Variants in FOXK1 observed in about 807,000 individuals in gnomAD.
FOXK1 encodes forkhead box protein K1.
A neutral mutation model predicts 51.9 loss-of-function variants in FOXK1; 19 were observed. The observed-to-expected ratio is 0.37, with a 90% CI of 0.26 to 0.54. The LOEUF is 0.54. Ranked by LOEUF, FOXK1 falls within the 20% of genes least tolerant of loss-of-function variation. FOXK1 has a pLI of 0.87. For synonymous variants in FOXK1, 537 were observed against 482.6 expected (o/e 1.11, Z -1.48); for missense variants, 870 against 1,032.7 (o/e 0.84, Z 2.16).
At chr7:4,712,354 G>A (rs539294481) in intron 1 of FOXK1, among the ~76,000 whole-genome samples, 14 of 152,248 alleles carry the variant, frequency 9.2e-5, no homozygotes, top group Admixed American at 8.5e-4. Flanking sequence ...ATTGATTGCC[G>A]GTGGTCTTGA....
chr7:4,683,025 G>T lies in FOXK1; in HGVS notation c.560+157G>T, dbSNP rs1262414071. 1.3e-5 allele frequency among the ~76,000 whole-genome samples: 2 copies of T among 149,280 alleles called. No individual in the cohort carries two copies. Among genetic ancestry groups the T allele is most frequent in the Non-Finnish European group, 3.0e-5 (2 of 66,976 alleles). On this transcript the variant is annotated intron_variant, in intron 1 of 8. Coordinates refer to ENST00000328914, the MANE Select transcript of FOXK1 (RefSeq NM_001037165.2). This position sits in a 1 kb window ranked among gnomAD's most constrained non-coding sequence, Gnocchi z 4.5. ...ACCCCCGACCGGCCTGGACTCCGGGGTCAACCCCGACCCCCGCCTCCTGGC... is the reference window on the plus strand; with the variant it reads ...ACCCCCGACCGGCCTGGACTCCGGGTTCAACCCCGACCCCCGCCTCCTGGC...
In FOXK1 at chr7:4,768,202, G is replaced by C. The variant is rs374581026; in HGVS notation, c.*5738G>C. 1.6e-5 allele frequency: 2 copies of C among 122,148 alleles called. No individual in the cohort carries two copies. Among genetic ancestry groups the C allele is most frequent in the African/African-American group, 8.3e-5 (2 of 24,160 alleles). 7.6% of individuals were successfully genotyped at this position (122,148 alleles called of 1,614,324 possible). A position where few individuals can be genotyped will look rare whatever the true frequency, so the allele number is the denominator to read the frequency against. ...GGCTGGAGTGCAGTGGCGTGATCTC[G>C]GCTCACTGCAAGCTCCGCCTCCCGG... On this transcript the variant is annotated 3_prime_UTR_variant, in exon 9 of 9. Coordinates refer to ENST00000328914, the MANE Select transcript of FOXK1 (RefSeq NM_001037165.2).
At chr7:4,724,017 A>G (rs1315839562) in intron 1 of FOXK1, among the ~76,000 whole-genome samples, 1 of 151,718 alleles carries the variant, frequency 6.6e-6, no homozygotes, top group African/African-American at 2.4e-5. Flanking sequence ...TCTGCTGCCT[A>G]CTTTTTCGAG....
intron 1 of FOXK1, among the ~76,000 whole-genome samples, chr7:4,694,634 G>A (rs952390532): frequency 6.6e-6 from 1 of 152,102 alleles, no homozygotes; most frequent in South Asian, 2.1e-4. Context: ...TTTTGTTGGG[G>A]GCAGCATATG....
In FOXK1 at chr7:4,769,348, T is replaced by C. The variant is rs1781062641; in HGVS notation, c.*6884T>C. 1 of 152,146 alleles carries C rather than the reference T, an allele frequency of 6.6e-6. No homozygotes were observed. The highest frequency in any genetic ancestry group is 2.4e-5 in the African/African-American group (1 of 41,444). 9.4% of individuals were successfully genotyped at this position (152,146 alleles called of 1,614,324 possible). ...GCCCCCATCCCGCTTCAGGCCCCAG[T>C]GACCCAGTTGCGTCTTAAGTTCCAT... On this transcript the variant is annotated 3_prime_UTR_variant, in exon 9 of 9. Coordinates refer to ENST00000328914, the MANE Select transcript of FOXK1 (RefSeq NM_001037165.2). The surrounding 1 kb of genome is among the most constrained non-coding windows in gnomAD (Gnocchi z 4.1).
intron 1 of FOXK1, among the ~76,000 whole-genome samples, chr7:4,704,405 C>G (rs777707325): frequency 4.1e-5 from 6 of 145,542 alleles, no homozygotes; most frequent in Non-Finnish European, 7.5e-5. Flanking sequence ...GAGCTGAGAT[C>G]ACGCCACTGC....
At chr7:4,695,288 C>G (rs1779937910) in intron 1 of FOXK1, among the ~76,000 whole-genome samples, 1 of 152,192 alleles carries the variant, frequency 6.6e-6, no homozygotes, top group Non-Finnish European at 1.5e-5. Flanking sequence ...TAATTTGGTT[C>G]CTAACCTGCA....
chr7:4,732,872 C>T (rs28375017), intron 1 of FOXK1, among the ~76,000 whole-genome samples: 2,798 of 152,290 alleles, frequency 0.018, 86 homozygotes, highest in African/African-American at 0.064. Flanking sequence ...TTTCCCATAG[C>T]GCAGAGTTTA....
Position 4,735,507 on chromosome 7 carries a change from C to A in FOXK1, c.561-5331C>A, listed in dbSNP as rs973863230. On this transcript the variant is annotated intron_variant, in intron 1 of 8. Coordinates refer to ENST00000328914, the MANE Select transcript of FOXK1 (RefSeq NM_001037165.2). The surrounding 1 kb of genome is among the most constrained non-coding windows in gnomAD (Gnocchi z 4.7). ...CCCCTAGCTCTTAGTCATTCTCCGT[C>A]CCCCCTGCCTGTCCCACCCGTCACT... is the stretch of plus-strand genomic sequence containing the variant. 6.6e-6 allele frequency among the ~76,000 whole-genome samples: 1 copy of A among 152,176 alleles called. No individual in the cohort carries two copies. Among genetic ancestry groups the A allele is most frequent in the Admixed American group, 6.5e-5 (1 of 15,274 alleles).
chr7:4,751,012 CTTTTT>C (rs35715224), intron 2 of FOXK1, among the ~76,000 whole-genome samples: 2 of 102,960 alleles, frequency 1.9e-5, no homozygotes, highest in African/African-American at 4.4e-5. Flanking sequence ...GCCTTCAGCA[CTTTTT>C]TTTTTTTTTT....
At position 4,766,601 on chromosome 7, in the gene FOXK1, G is replaced by C. The variant is rs1396031319; in HGVS notation, c.*4137G>C. ...CCTGCTCCTAGGTACCACGCTCTGT[G>C]CTTCTCAGGCAGGGAGGAGATGGAT... is the stretch of plus-strand genomic sequence containing the variant. On this transcript the variant is annotated 3_prime_UTR_variant, in exon 9 of 9. Coordinates refer to ENST00000328914, the MANE Select transcript of FOXK1 (RefSeq NM_001037165.2). This position sits in a 1 kb window ranked among gnomAD's most constrained non-coding sequence, Gnocchi z 5.5. The C allele has an allele frequency of 6.6e-6, 1 of 152,328 alleles. No homozygotes were observed. Among genetic ancestry groups the C allele is most frequent in the East Asian group, 1.9e-4 (1 of 5,198 alleles). The allele number at this position is 152,328 out of a possible 1,614,324, so 9.4% of individuals were successfully genotyped here. A position where few individuals can be genotyped will look rare whatever the true frequency, so the allele number is the denominator to read the frequency against.
In FOXK1 at chr7:4,721,580, CTTTTTTTTCTT is replaced by C. The variant is rs1374447573; in HGVS notation, c.561-19249_561-19239del. On this transcript the variant is annotated intron_variant, in intron 1 of 8. Coordinates refer to ENST00000328914, the MANE Select transcript of FOXK1 (RefSeq NM_001037165.2). ...AGAAGGACTTTTCTCTTTTCTTTTTCTTTTTTTTCTTTTTTTTTTTTTTTTTTTGAGTCAGA... is the reference window on the plus strand; with the variant it reads ...AGAAGGACTTTTCTCTTTTCTTTTTCTTTTTTTTTTTTTTTTTGAGTCAGA... 6.6e-5 allele frequency among the ~76,000 whole-genome samples: 9 copies of C among 135,718 alleles called. No individual in the cohort carries two copies. In the East Asian group the frequency reaches 8.4e-4, roughly 13 times the overall value. 89.0% of individuals were successfully genotyped at this position (135,718 alleles called of 152,430 possible). A position where few individuals can be genotyped will look rare whatever the true frequency, so the allele number is the denominator to read the frequency against.
At chr7:4,684,559 T>G (rs1779795467) in intron 1 of FOXK1, among the ~76,000 whole-genome samples, 3 of 152,148 alleles carry the variant, frequency 2.0e-5, no homozygotes, top group African/African-American at 7.2e-5. Flanking sequence ...CAGATATTAG[T>G]GTGTTCTCTC....
chr7:4,755,173 G>C lies in FOXK1; in HGVS notation c.904-64G>C. 6.3e-7 allele frequency: 1 copy of C among 1,581,034 alleles called. No individual in the cohort carries two copies. On this transcript the variant is annotated intron_variant, in intron 3 of 8. Transcript: ENST00000328914. This position sits in a 1 kb window ranked among gnomAD's most constrained non-coding sequence, Gnocchi z 6.6. ...AAGGTTCCTCCCCATCAGCTGTGAC[G>C]GGTGGGTGGGGTAGACTCAGGGACC...
intron 7 of FOXK1, among the ~76,000 whole-genome samples, chr7:4,760,402 C>T (rs1780916166): frequency 6.6e-6 from 1 of 152,082 alleles, no homozygotes; most frequent in Non-Finnish European, 1.5e-5. Context: ...CCTGGACTTC[C>T]TCTCCGCGGT....
chr7:4,704,669 ACAGCAGCGT>A (rs1780060590), intron 1 of FOXK1, among the ~76,000 whole-genome samples: 1 of 152,052 alleles, frequency 6.6e-6, no homozygotes, highest in Non-Finnish European at 1.5e-5. Context: ...GACATCAGTG[ACAGCAGCGT>A]CAGGCTGTGC....
rs189783908 is a variant in FOXK1 at position 4,703,178 on chromosome 7, C to T, written c.560+20310C>T. ...ATTCCAGGGCAGGCGGCTGGGAGGGCGTTTCTGAGGAAGTGCTGTTTTAGC... is the reference window on the plus strand; with the variant it reads ...ATTCCAGGGCAGGCGGCTGGGAGGGTGTTTCTGAGGAAGTGCTGTTTTAGC... On this transcript the variant is annotated intron_variant, in intron 1 of 8. Coordinates refer to ENST00000328914, the MANE Select transcript of FOXK1 (RefSeq NM_001037165.2). This position sits in a 1 kb window ranked among gnomAD's most constrained non-coding sequence, Gnocchi z 5.6. Among the ~76,000 whole-genome samples the T allele has an allele frequency of 1.0e-3, 155 of 151,998 alleles. No homozygotes were observed. The highest frequency in any genetic ancestry group is 3.6e-3 in the African/African-American group (149 of 41,468).
Position 4,762,147 on chromosome 7 carries a change from C to A in FOXK1, c.1922-37C>A. 2 of 1,528,540 alleles carry A rather than the reference C, an allele frequency of 1.3e-6. No individual in the cohort carries two copies. Among genetic ancestry groups the A allele is most frequent in the Non-Finnish European group, 8.8e-7 (1 of 1,131,424 alleles). 94.7% of individuals were successfully genotyped at this position (1,528,540 alleles called of 1,614,324 possible). ...TTGAAAAAAGCAGCTGGGTCCTAAC[C>A]AGACCCCAGAGTAACCCTCTTCTTC... is the stretch of plus-strand genomic sequence containing the variant. On this transcript the variant is annotated intron_variant, in intron 8 of 8. Transcript: ENST00000328914. The surrounding 1 kb of genome is among the most constrained non-coding windows in gnomAD (Gnocchi z 5.7).
At chr7:4,746,581 G>A (rs1780705362) in intron 2 of FOXK1, among the ~76,000 whole-genome samples, 1 of 152,120 alleles carries the variant, frequency 6.6e-6, no homozygotes, top group Non-Finnish European at 1.5e-5. Flanking sequence ...CCAGCTACTC[G>A]GGAGGCTGAG....
Sources: gnomAD v4.1 joint callset for allele counts (sites outside exome capture counted in the v4.1 genomes callset) on GRCh38, gnomAD v4.1.1 for gene constraint, Gnocchi (gnomAD v3.1) non-coding constraint, MANE v1.5 for transcripts, NCBI Gene and HGNC (gene_info 2026-07-23, HGNC 2026-07-21) for gene names.